Variants in CSMD1 observed in about 807,000 individuals in gnomAD.
CSMD1 encodes the protein CUB and Sushi multiple domains 1, also known as CUB and sushi domain-containing protein 1.
In CSMD1, 213 loss-of-function variants were observed where a neutral mutation model predicts 417.5. The observed-to-expected ratio is 0.51, with a 90% CI of 0.46 to 0.57. The LOEUF (loss-of-function observed/expected upper bound fraction) is 0.57. Ranked by LOEUF, CSMD1 falls within the 20% of genes least tolerant of loss-of-function variation. The probability of loss-of-function intolerance (pLI) is 0.00; values close to 1 mark genes in which losing one functional copy is unlikely to be tolerated. For missense variants in CSMD1, 6,923 were observed against 4,529.7 expected, an observed-to-expected ratio of 1.53 and a Z score of -15.17; for synonymous variants, 2,862 against 1,736.8, an observed-to-expected ratio of 1.65 and a Z score of -16.11.
chr8:2,945,643 C>G (rs1490652992), intron 68 of CSMD1, among the ~76,000 whole-genome samples: 1 of 152,160 alleles, frequency 6.6e-6, no homozygotes, highest in Non-Finnish European at 1.5e-5. Context: ...GTACGAGGGT[C>G]TTCACAATAA....
chr8:4,921,773 G>A (rs938228138), intron 1 of CSMD1, among the ~76,000 whole-genome samples: 2 of 152,038 alleles, frequency 1.3e-5, no homozygotes, highest in Admixed American at 1.3e-4. Context: ...TTCTCCACCA[G>A]CCATTTTTTT....
At chr8:4,078,087 A>C (rs1211629969) in intron 3 of CSMD1, among the ~76,000 whole-genome samples, 1 of 152,190 alleles carries the variant, frequency 6.6e-6, no homozygotes, top group African/African-American at 2.4e-5. Flanking sequence ...CCTACATGCC[A>C]AAGAGAGAAA....
At chr8:3,631,531 A>C (rs1796783963) in intron 7 of CSMD1, among the ~76,000 whole-genome samples, 1 of 152,202 alleles carries the variant, frequency 6.6e-6, no homozygotes, top group South Asian at 2.1e-4. Context: ...AGATAGGAAA[A>C]TGTTCCAAAA....
At chr8:3,565,858 T>C (rs1476336544) in intron 10 of CSMD1, among the ~76,000 whole-genome samples, 1 of 152,038 alleles carries the variant, frequency 6.6e-6, no homozygotes, top group Non-Finnish European at 1.5e-5. Context: ...AGCATCTTGA[T>C]TTAGGTTCAT....
At chr8:4,359,667 C>T (rs1275621700) in intron 3 of CSMD1, among the ~76,000 whole-genome samples, 1 of 152,200 alleles carries the variant, frequency 6.6e-6, no homozygotes, top group African/African-American at 2.4e-5. Flanking sequence ...GTGGTTGATT[C>T]TGGGTATGAA....
At chr8:3,041,502 C>T (rs1236828184) in intron 50 of CSMD1, among the ~76,000 whole-genome samples, 2 of 152,156 alleles carry the variant, frequency 1.3e-5, no homozygotes, top group African/African-American at 4.8e-5. Context: ...TCCATAGCAT[C>T]AGGTTATTTC....
intron 6 of CSMD1, among the ~76,000 whole-genome samples, chr8:3,717,363 C>T (rs1373204748): frequency 2.6e-5 from 4 of 152,120 alleles, no homozygotes; most frequent in Non-Finnish European, 5.9e-5. Flanking sequence ...ATTAGTCCCA[C>T]TATAATAAAA....
intron 2 of CSMD1, among the ~76,000 whole-genome samples, chr8:4,632,882 C>A (rs748727316): frequency 1.3e-5 from 2 of 152,158 alleles, no homozygotes; most frequent in Non-Finnish European, 2.9e-5. Context: ...ACAACATTCT[C>A]TTGTAAGGTC....
At chr8:3,665,859 G>T (rs1430785348) in intron 7 of CSMD1, among the ~76,000 whole-genome samples, 1 of 152,102 alleles carries the variant, frequency 6.6e-6, no homozygotes, top group East Asian at 1.9e-4. Flanking sequence ...TATGACCTCA[G>T]TGTTGGTTTG....
intron 1 of CSMD1, among the ~76,000 whole-genome samples, chr8:4,681,863 ACT>A (rs777320253): frequency 9.2e-5 from 14 of 152,060 alleles, no homozygotes; most frequent in South Asian, 6.2e-4. Flanking sequence ...GAGGAAGGTA[ACT>A]CTGCAGAAAA....
intron 25 of CSMD1, among the ~76,000 whole-genome samples, chr8:3,306,800 C>T (rs1198129074): frequency 6.6e-6 from 1 of 151,978 alleles, no homozygotes; most frequent in East Asian, 2.0e-4. Context: ...GTTTTGGAGA[C>T]AGATTTCTGA....
intron 3 of CSMD1, among the ~76,000 whole-genome samples, chr8:4,297,747 A>T (rs895591266): frequency 6.6e-6 from 1 of 152,094 alleles, no homozygotes; most frequent in Non-Finnish European, 1.5e-5. Context: ...GGCACCACTA[A>T]CGATTAAGAA....
intron 2 of CSMD1, among the ~76,000 whole-genome samples, chr8:4,497,689 C>G (rs758076704): frequency 4.6e-5 from 7 of 152,152 alleles, no homozygotes; most frequent in Non-Finnish European, 8.8e-5. Flanking sequence ...AAAGGGAAGG[C>G]AGAGCATAAA....
chr8:3,261,783 A>G (rs1419273040), intron 26 of CSMD1, among the ~76,000 whole-genome samples: 1 of 152,120 alleles, frequency 6.6e-6, no homozygotes, highest in Non-Finnish European at 1.5e-5. Flanking sequence ...TCCACAGCAC[A>G]TTTGTGAAAT....
chr8:3,107,655 T>G, intron 45 of CSMD1, 63 bp downstream of exon 45: 177 of 893,564 alleles, frequency 2.0e-4, no homozygotes, highest in Non-Finnish European at 3.0e-4. Context: ...ATGATTACAA[T>G]GAGAAGTGGG....
chr8:3,843,701 C>A (rs1803288339), intron 5 of CSMD1, among the ~76,000 whole-genome samples: 1 of 152,164 alleles, frequency 6.6e-6, no homozygotes, highest in Admixed American at 6.6e-5. Flanking sequence ...GGGTGGAACA[C>A]AGACCTAGTT....
intron 2 of CSMD1, among the ~76,000 whole-genome samples, chr8:4,605,310 G>C (rs746404639): frequency 2.6e-5 from 4 of 151,982 alleles, no homozygotes; most frequent in Non-Finnish European, 4.4e-5. Context: ...ATTTTCACAG[G>C]GTGGGTTCTC....
At chr8:3,603,068 A>T (rs1801438315) in intron 8 of CSMD1, among the ~76,000 whole-genome samples, 1 of 152,206 alleles carries the variant, frequency 6.6e-6, no homozygotes, top group Non-Finnish European at 1.5e-5. Context: ...TAGCCACACA[A>T]ATATGATCTG....
At chr8:4,579,545 G>A (rs1327201511) in intron 2 of CSMD1, among the ~76,000 whole-genome samples, 1 of 151,960 alleles carries the variant, frequency 6.6e-6, no homozygotes, top group Non-Finnish European at 1.5e-5. Context: ...TGTATTTTTA[G>A]TAGAGATGGG....
Sources: gnomAD v4.1 joint callset for allele counts (sites outside exome capture counted in the v4.1 genomes callset) on GRCh38, gnomAD v4.1.1 for gene constraint, MANE v1.5 for transcripts, NCBI Gene and HGNC (gene_info 2026-07-23, HGNC 2026-07-21) for gene names.